ANO9: variants seen among roughly 807,000 people sequenced by gnomAD.
ANO9 encodes anoctamin-9.
ANO9 carries 80 observed loss-of-function variants against 100.5 expected under a neutral mutation model. The observed-to-expected ratio is 0.80, with a 90% CI of 0.66 to 0.96. The LOEUF (loss-of-function observed/expected upper bound fraction) is 0.96, where lower values mean the gene tolerates loss of function less well. Ranked by LOEUF, ANO9 falls within the 40% of genes least tolerant of loss-of-function variation. ANO9 has a pLI of 0.00. For synonymous variants in ANO9, 473 were observed against 435.6 expected (o/e 1.09, Z -1.07); for missense variants, 1,064 against 1,072.7 (o/e 0.99, Z 0.11).
At position 433,277 on chromosome 11, in the gene ANO9, G is replaced by A. The variant is rs754907083; in HGVS notation, c.350+37C>T. ...TGGACCAATCACACAGGTGGCAAGG[G>A]GTTCTCCTGGCCACGGCTCTGGGTG... On this transcript the variant is annotated intron_variant, in intron 4 of 22. Coordinates refer to ENST00000332826, the MANE Select transcript of ANO9 (RefSeq NM_001012302.3). 30 of 1,602,178 alleles carry A rather than the reference G, an allele frequency of 1.9e-5. No homozygotes were observed. In the Middle Eastern group the frequency reaches 5.0e-4, roughly 27 times the overall value.
chr11:420,705 A>C lies in ANO9; in HGVS notation c.1633+13T>G. ...TCGTCTCCGCGAACCCCCGCCCCGC[A>C]GCGCCCACGCACTCATCTCCATGAA... On this transcript the variant is annotated intron_variant, in intron 18 of 22. Coordinates refer to ENST00000332826, the MANE Select transcript of ANO9 (RefSeq NM_001012302.3). 2.5e-6 allele frequency: 4 copies of C among 1,604,566 alleles called. No individual in the cohort carries two copies. Among genetic ancestry groups the C allele is most frequent in the Non-Finnish European group, 3.4e-6 (4 of 1,175,834 alleles).
intron 17 of ANO9, 39 bp from the exon 18 acceptor site, chr11:420,899 C>A: frequency 6.3e-7 from 1 of 1,585,008 alleles, no homozygotes; most frequent in East Asian, 2.3e-5. Context: ...GCGCAGGGGG[C>A]GGAGGGGCCT....
At position 432,220 on chromosome 11, in the gene ANO9, C is replaced by A; in HGVS notation, c.351-166G>T. The A allele has an allele frequency of 1.4e-6, 1 of 690,132 alleles. No homozygotes were observed. Among genetic ancestry groups the A allele is most frequent in the Non-Finnish European group, 2.4e-6 (1 of 413,564 alleles). The allele number at this position is 690,132 out of a possible 1,614,324, so 42.8% of individuals were successfully genotyped here. On this transcript the variant is annotated intron_variant, in intron 4 of 22. Transcript: ENST00000332826. This position sits in a 1 kb window ranked among gnomAD's most constrained non-coding sequence, Gnocchi z 4.8. ...AGAATCCACAACTCACCCGGGAGCC[C>A]ACCCCGCACCCTCCTTAAAGTGCTC...
rs1479457304 is a variant in ANO9 at position 427,147 on chromosome 11, C to T, written c.1334+941G>A. Among the ~76,000 whole-genome samples the T allele has an allele frequency of 1.1e-4, 17 of 152,110 alleles. 1 individual carries two copies. The highest frequency in any genetic ancestry group is 1.6e-4 in the Non-Finnish European group (11 of 68,030). On this transcript the variant is annotated intron_variant, in intron 15 of 22. Coordinates refer to ENST00000332826, the MANE Select transcript of ANO9 (RefSeq NM_001012302.3). ...GGTGGCTCACCTGAGGTCAGGAGCTCGAGACCAGCCTGGCCAACATGGTGA... is the reference window on the plus strand; with the variant it reads ...GGTGGCTCACCTGAGGTCAGGAGCTTGAGACCAGCCTGGCCAACATGGTGA...
At chr11:424,947 AGGAAAAG>A (rs1261419154) in intron 15 of ANO9, among the ~76,000 whole-genome samples, 13 of 152,086 alleles carry the variant, frequency 8.5e-5, no homozygotes, top group African/African-American at 1.2e-4. Context: ...GACGCGCGGG[AGGAAAAG>A]GCGGCGCGGA....
intron 15 of ANO9, among the ~76,000 whole-genome samples, chr11:425,097 T>C (rs1459334208): frequency 0.015 from 12 of 822 alleles, no homozygotes; most frequent in Admixed American, 0.028. Flanking sequence ...AAAGGCGGCG[T>C]GGAGAGACGG....
In ANO9 at chr11:432,150, C is replaced by T. The variant is rs549030206; in HGVS notation, c.351-96G>A. On this transcript the variant is annotated intron_variant, in intron 4 of 22. Transcript: ENST00000332826. The surrounding 1 kb of genome is among the most constrained non-coding windows in gnomAD (Gnocchi z 4.8). ...TGGTCTGGCCAGGCCCAGGCCCCTC[C>T]CTGTCCTGGCAGAGCCCCCAGCCTG... 1.4e-4 allele frequency: 192 copies of T among 1,377,080 alleles called. No individual in the cohort carries two copies. In the African/African-American group the frequency reaches 2.3e-3, roughly 17 times the overall value. 85.3% of individuals were successfully genotyped at this position (1,377,080 alleles called of 1,614,324 possible). A position where few individuals can be genotyped will look rare whatever the true frequency, so the allele number is the denominator to read the frequency against.
chr11:429,902 CG>C, intron 9 of ANO9, 84 bp from the exon 10 acceptor site: 1 of 501,122 alleles, frequency 2.0e-6, no homozygotes, highest in Non-Finnish European at 2.5e-6. Context: ...GCAGGAAAGC[CG>C]GGGAAGGGGG....
intron 20 of ANO9, chr11:419,374 G>C: frequency 7.1e-7 from 1 of 1,418,370 alleles, no homozygotes; most frequent in Non-Finnish European, 9.2e-7. Flanking sequence ...CCCCAACTGC[G>C]GTCCTGGCCA....
intron 1 of ANO9, among the ~76,000 whole-genome samples, chr11:436,861 T>G (rs182236143): frequency 6.0e-3 from 3 of 504 alleles, no homozygotes; most frequent in Admixed American, 0.017. Context: ...GGGAGTGAGC[T>G]GGGGGTGAGC....
rs1356054016 is a variant in ANO9, at chr11:418,174, G to C, written c.*197C>G. 4.9e-6 allele frequency: 3 copies of C among 617,704 alleles called. No individual in the cohort carries two copies. Among genetic ancestry groups the C allele is most frequent in the Non-Finnish European group, 8.3e-6 (3 of 360,220 alleles). 38.3% of individuals were successfully genotyped at this position (617,704 alleles called of 1,614,324 possible). On this transcript the variant is annotated 3_prime_UTR_variant, in exon 23 of 23. Coordinates refer to ENST00000332826, the MANE Select transcript of ANO9 (RefSeq NM_001012302.3). ...AGAGTTCAAGTCAGGGCTGTGCCAA[G>C]CCTGAGAGCCCCCACAAAGACGGAG...
At position 433,410 on chromosome 11, in the gene ANO9, CTG is replaced by C. The variant is rs1379236558; in HGVS notation, c.252_253del (p.Asn84LysfsTer14). On this transcript the variant is annotated frameshift_variant, in exon 4 of 23. Coordinates refer to ENST00000332826, the MANE Select transcript of ANO9 (RefSeq NM_001012302.3). LOFTEE classifies it high-confidence loss of function. Reference sequence around the variant, plus strand: ...GAGAGTGCGGTACAGGCCAAAGACACTGTTGTCAGCACGGATCCCAAAGAAGA... The same window carrying C: ...GAGAGTGCGGTACAGGCCAAAGACACTTGTCAGCACGGATCCCAAAGAAGA... The C allele has an allele frequency of 6.2e-7, 1 of 1,613,370 alleles. No individual in the cohort carries two copies. The highest frequency in any genetic ancestry group is 1.7e-4 in the Middle Eastern group (1 of 6,060).
Position 419,610 on chromosome 11 carries a change from A to C in ANO9, c.1906T>G (p.Cys636Gly). 6.2e-7 allele frequency: 1 copy of C among 1,613,476 alleles called. No homozygotes were observed. Among genetic ancestry groups the C allele is most frequent in the South Asian group, 1.1e-5 (1 of 91,086 alleles). The stretch of plus-strand genomic sequence containing the variant: ...ACAGTAGAGTTGCCTTCTTTCAGGC[A>C]TGGGCTATAGCGGTACTTGTAGACC... ...RVVYKYRYSPCLKEGNSTVDC... is the reference protein window; with the variant it reads ...RVVYKYRYSPGLKEGNSTVDC... Residue 636 changes from cysteine (C) to glycine (G), a missense_variant, in exon 20 of 23, where the codon TGC (cysteine) becomes GGC (glycine). By Grantham distance (159) the Cys-to-Gly change is radical. Coordinates refer to ENST00000332826, the MANE Select transcript of ANO9 (RefSeq NM_001012302.3).
At chr11:425,033 GAC>G (rs1848415415) in intron 15 of ANO9, among the ~76,000 whole-genome samples, 1 of 128,056 alleles carries the variant, frequency 7.8e-6, no homozygotes, top group African/African-American at 3.0e-5. Flanking sequence ...GGCGTGGAGA[GAC>G]GGGACGCGCG....
chr11:441,902 T>C lies in ANO9; in HGVS notation c.6+19A>G. 1 of 1,605,606 alleles carries C rather than the reference T, an allele frequency of 6.2e-7. No homozygotes were observed. The highest frequency in any genetic ancestry group is 1.1e-5 in the South Asian group (1 of 90,260). On this transcript the variant is annotated intron_variant, in intron 1 of 22. Coordinates refer to ENST00000332826, the MANE Select transcript of ANO9 (RefSeq NM_001012302.3). Reference sequence around the variant, plus strand: ...CTGGGGGCCTTGAAGGTGTGGACCCTTTTGAGCGCAGGACTCACCTGCATG... The same window carrying C: ...CTGGGGGCCTTGAAGGTGTGGACCCCTTTGAGCGCAGGACTCACCTGCATG...
chr11:429,868 G>T lies in ANO9; in HGVS notation c.772-50C>A, dbSNP rs569610510. ...AGAGGAGGTGGGTGAGCTGGGGAGG[G>T]GGGCAGGTGAGCCAGGGAGGGAGGC... On this transcript the variant is annotated intron_variant, in intron 9 of 22. Coordinates refer to ENST00000332826, the MANE Select transcript of ANO9 (RefSeq NM_001012302.3). 555 of 1,514,240 alleles carry T rather than the reference G, an allele frequency of 3.7e-4. 10 individuals carry two copies. The South Asian group carries it at 6.5e-3, about 18-fold the overall frequency. 93.8% of individuals were successfully genotyped at this position (1,514,240 alleles called of 1,614,324 possible). A position where few individuals can be genotyped will look rare whatever the true frequency, so the allele number is the denominator to read the frequency against.
At chr11:428,453 C>T in intron 13 of ANO9, 22 bp downstream of exon 13, 2 of 1,612,472 alleles carry the variant, frequency 1.2e-6, no homozygotes, top group Non-Finnish European at 1.7e-6. Flanking sequence ...CCAGCTCGGG[C>T]CTGCCCTGCT....
At chr11:433,148 G>T in intron 4 of ANO9, 166 bp downstream of exon 4, 1 of 879,912 alleles carries the variant, frequency 1.1e-6, no homozygotes, top group Non-Finnish European at 1.7e-6. Flanking sequence ...GGAAGCTGAG[G>T]CTCACACAGC....
At chr11:429,415 C>G in intron 11 of ANO9, 155 bp downstream of exon 11, 1 of 1,468,514 alleles carries the variant, frequency 6.8e-7, no homozygotes, top group Non-Finnish European at 9.0e-7. Flanking sequence ...ACACGCCTCA[C>G]AGGTGGACAG....
Sources: gnomAD v4.1 joint callset for allele counts (sites outside exome capture counted in the v4.1 genomes callset) on GRCh38, gnomAD v4.1.1 for gene constraint, Gnocchi (gnomAD v3.1) non-coding constraint, MANE v1.5 for transcripts, NCBI Gene and HGNC (gene_info 2026-07-23, HGNC 2026-07-21) for gene names.